RIOK3: variants seen among roughly 807,000 people sequenced by gnomAD.
RIOK3 encodes serine/threonine-protein kinase RIO3.
In RIOK3, 40 loss-of-function variants were observed where a neutral mutation model predicts 63.5. The ratio of observed to expected loss-of-function variants is 0.63; its 90% CI spans 0.49 to 0.82. RIOK3 has a LOEUF of 0.82. RIOK3 is among the 40% of genes least tolerant of loss of function. The pLI is 0.00. For synonymous variants in RIOK3, 193 were observed against 205.0 expected (o/e 0.94, Z 0.50); for missense variants, 557 against 637.0 (o/e 0.87, Z 1.35).
intron 5 of RIOK3, among the ~76,000 whole-genome samples, chr18:23,465,593 G>GCTGTTGAGCACTTGGTAA: frequency 6.6e-6 from 1 of 151,902 alleles, no homozygotes; most frequent in South Asian, 2.1e-4. Context: ...CAATATGGTA[G>GCTGTTGAGCACTTGGTAA]CCACATTTGC....
chr18:23,475,314 C>T (rs949396101), intron 9 of RIOK3, among the ~76,000 whole-genome samples: 1 of 151,308 alleles, frequency 6.6e-6, no homozygotes, highest in Non-Finnish European at 1.5e-5. Context: ...ACTAAAAATA[C>T]AAAAAAATTA....
intron 6 of RIOK3, 61 bp downstream of exon 6, chr18:23,466,337 T>G (rs1309209246): frequency 5.3e-6 from 7 of 1,326,774 alleles, no homozygotes; most frequent in Non-Finnish European, 6.1e-6. Flanking sequence ...TAGAAAACTT[T>G]GGGTAAAGAA....
At chr18:23,465,600 T>C (rs2057401523) in intron 5 of RIOK3, among the ~76,000 whole-genome samples, 1 of 151,982 alleles carries the variant, frequency 6.6e-6, no homozygotes, top group South Asian at 2.1e-4. Flanking sequence ...GTAGCCACAT[T>C]TGCTGTTGAG....
chr18:23,463,225 C>G, intron 2 of RIOK3, 146 bp downstream of exon 2: 1 of 533,406 alleles, frequency 1.9e-6, no homozygotes. Context: ...AATTTTGGTC[C>G]TGATTTTGCA....
chr18:23,454,075 T>A (rs1037370379), intron 1 of RIOK3, among the ~76,000 whole-genome samples: 1 of 152,240 alleles, frequency 6.6e-6, no homozygotes, highest in Non-Finnish European at 1.5e-5. Context: ...ACGTTTAAAC[T>A]TTTTCATAGA....
rs765280538 is a variant in RIOK3, at chr18:23,477,260, G to T, written c.1336G>T (p.Val446Phe). 6.2e-7 allele frequency: 1 copy of T among 1,613,800 alleles called. No individual in the cohort carries two copies. The highest frequency in any genetic ancestry group is 1.1e-5 in the South Asian group (1 of 91,074). Residue 446 changes from valine (V) to phenylalanine (F), a missense_variant, in exon 11 of 13, where the codon GTC becomes TTC. Around this residue, in one of 3 missense-constraint regions of RIOK3, gnomAD observed 309 missense variants for 338.7 expected, o/e 0.91. Coordinates refer to ENST00000339486, the MANE Select transcript of RIOK3 (RefSeq NM_003831.5). Reference sequence around the variant, plus strand: ...GTTCTTGTTCCGGGACTGCAGGAATGTCTCGCAGGTAGACGTGTAAACCAA... The same window carrying T: ...GTTCTTGTTCCGGGACTGCAGGAATTTCTCGCAGGTAGACGTGTAAACCAA... ...LEFLFRDCRN[V>F]SQFFQKGGVK...
At chr18:23,469,360 T>C (rs1295520242) in intron 7 of RIOK3, among the ~76,000 whole-genome samples, 11 of 2,102 alleles carry the variant, frequency 5.2e-3, no homozygotes, top group African/African-American at 0.011. Flanking sequence ...CCTCTCTCCC[T>C]CCCTCCCTCC....
Position 23,464,628 on chromosome 18 carries a change from TG to T in RIOK3, c.543+1del. ...GAAAGAACACAGCAAGAATGGAAAA[TG>T]TAAGTTACAGAAAGTATCTATCTCT... On this transcript the variant is annotated splice_donor_variant, in intron 5 of 12. Transcript: ENST00000339486. LOFTEE classifies it high-confidence loss of function. 1 of 1,552,828 alleles carries T rather than the reference TG, an allele frequency of 6.4e-7. No individual in the cohort carries two copies. The highest frequency in any genetic ancestry group is 8.7e-7 in the Non-Finnish European group (1 of 1,143,244).
At chr18:23,469,548 C>T (rs12958482) in intron 7 of RIOK3, among the ~76,000 whole-genome samples, 45,978 of 147,684 alleles carry the variant, frequency 0.31, 7,473 homozygotes, top group East Asian at 0.39. Flanking sequence ...AGTGCAATGG[C>T]GCAATCTTGG....
At chr18:23,476,277 A>G (rs1262148808) in intron 9 of RIOK3, among the ~76,000 whole-genome samples, 1 of 152,166 alleles carries the variant, frequency 6.6e-6, no homozygotes, top group Admixed American at 6.5e-5. Flanking sequence ...GGTTGAGACA[A>G]TGCTCCTAAT....
chr18:23,475,462 C>A (rs1363368618), intron 9 of RIOK3, among the ~76,000 whole-genome samples: 605 of 98,796 alleles, frequency 6.1e-3, no homozygotes, highest in Admixed American at 6.4e-3. Context: ...GACTCTGTCT[C>A]AAAAAAAAAA....
intron 11 of RIOK3, 44 bp downstream of exon 11, chr18:23,477,312 G>A (rs1464019441): frequency 6.9e-7 from 1 of 1,439,812 alleles, no homozygotes; most frequent in South Asian, 1.1e-5. Context: ...GGATGTAACA[G>A]CTGCAGGTAT....
intron 11 of RIOK3, among the ~76,000 whole-genome samples, 193 bp downstream of exon 11, chr18:23,477,461 T>C (rs1484539060): frequency 6.6e-6 from 1 of 152,098 alleles, no homozygotes; most frequent in East Asian, 1.9e-4. Flanking sequence ...TGTCTTACAG[T>C]TGGGTAAAAT....
At position 23,453,492 on chromosome 18, in the gene RIOK3, G is replaced by A. The variant is rs374202873; in HGVS notation, c.53G>A (p.Gly18Glu). 1 of 1,613,262 alleles carries A rather than the reference G, an allele frequency of 6.2e-7. No homozygotes were observed. The highest frequency in any genetic ancestry group is 1.3e-5 in the African/African-American group (1 of 75,046). ...SPEPGTAAAWGPSKCPWAIPQ... is the reference protein window; with the variant it reads ...SPEPGTAAAWEPSKCPWAIPQ... ...GAGCCCGGGACGGCAGCGGCCTGGG[G>A]ACCCAGCAAGGTAAGTGGCAGACGA... The change falls in exon 1 of 13, where the codon GGA becomes GAA. Residue 18 changes from glycine to glutamate, a missense_variant. Gly to Glu is a moderately conservative substitution (Grantham distance 98, BLOSUM62 -2). Transcript: ENST00000339486.
intron 1 of RIOK3, chr18:23,456,568 C>CA (rs1340696935): frequency 1.3e-5 from 2 of 151,664 alleles, no homozygotes; most frequent in African/African-American, 4.8e-5. Flanking sequence ...AGAAAACAAA[C>CA]AAAAAAATAG....
chr18:23,480,112 TATA>T (rs1257783900), intron 12 of RIOK3, among the ~76,000 whole-genome samples: 1 of 152,188 alleles, frequency 6.6e-6, no homozygotes, highest in Non-Finnish European at 1.5e-5. Context: ...ACCCGGTTAT[TATA>T]ATATCAGATC....
At chr18:23,465,030 G>A (rs1019433225) in intron 5 of RIOK3, among the ~76,000 whole-genome samples, 11 of 152,048 alleles carry the variant, frequency 7.2e-5, no homozygotes, top group Non-Finnish European at 1.5e-5. Flanking sequence ...TTATTATCTT[G>A]TGCCTGAACT....
At position 23,480,618 on chromosome 18, in the gene RIOK3, C is replaced by A. The variant is rs28580558; in HGVS notation, c.1453-554C>A. Among the ~76,000 whole-genome samples the A allele has an allele frequency of 6.7e-3, 997 of 148,114 alleles. 9 individuals carry two copies. Among genetic ancestry groups the A allele is most frequent in the African/African-American group, 0.024 (952 of 39,960 alleles). On this transcript the variant is annotated intron_variant, in intron 12 of 12. Transcript: ENST00000339486. ...AGTAATTTCAACTCAAAGGCAGAATCATTAGGAATAACCTAGTTTTTAAGC... is the reference window on the plus strand; with the variant it reads ...AGTAATTTCAACTCAAAGGCAGAATAATTAGGAATAACCTAGTTTTTAAGC...
chr18:23,469,332 T>C (rs866051412), intron 7 of RIOK3, among the ~76,000 whole-genome samples: 4 of 12,450 alleles, frequency 3.2e-4, no homozygotes, highest in African/African-American at 4.8e-4. Flanking sequence ...TCTCTCTCTC[T>C]CTCTCCCCCT....
Sources: gnomAD v4.1 joint callset for allele counts (sites outside exome capture counted in the v4.1 genomes callset) on GRCh38, gnomAD v4.1.1 for gene constraint, gnomAD v4.1.1 regional missense constraint, MANE v1.5 for transcripts, NCBI Gene and HGNC (gene_info 2026-07-23, HGNC 2026-07-21) for gene names.